LGI2: variants seen among roughly 807,000 people sequenced by gnomAD.
The protein encoded by LGI2 is leucine-rich repeat LGI family member 2.
LGI2 carries 30 observed loss-of-function variants against 52.0 expected under a neutral mutation model. That is an observed-to-expected ratio of 0.58 (90% CI 0.43 to 0.78). The LOEUF is 0.78. LGI2 is among the 30% of genes least tolerant of loss of function. LGI2 has a pLI of 0.00. For synonymous variants in LGI2, 270 were observed against 271.8 expected, an observed-to-expected ratio of 0.99 and a Z score of 0.06; for missense variants, 573 against 692.5, an observed-to-expected ratio of 0.83 and a Z score of 1.94.
chr4:25,021,023 G>T (rs1725941187), intron 4 of LGI2, among the ~76,000 whole-genome samples: 2 of 151,374 alleles, frequency 1.3e-5, no homozygotes, highest in Admixed American at 1.3e-4. Context: ...CAATGTTTTA[G>T]CTAATTAACA....
At position 25,030,755 on chromosome 4, in the gene LGI2, G is replaced by A. The variant is rs1229660539; in HGVS notation, c.-62C>T. Reference sequence around the variant, plus strand: ...ACCGCCGCGCCGCGCGCTCGGACCCGGCGCCGCTGCAGACGCGGGCGCCGC... The same window carrying A: ...ACCGCCGCGCCGCGCGCTCGGACCCAGCGCCGCTGCAGACGCGGGCGCCGC... On this transcript the variant is annotated 5_prime_UTR_variant, in exon 1 of 8. Coordinates refer to ENST00000382114, the MANE Select transcript of LGI2 (RefSeq NM_018176.4). The A allele has an allele frequency of 2.7e-5, 27 of 988,522 alleles. No homozygotes were observed. In the South Asian group the frequency reaches 1.0e-3, roughly 38 times the overall value. 61.2% of individuals were successfully genotyped at this position (988,522 alleles called of 1,614,324 possible). A position where few individuals can be genotyped will look rare whatever the true frequency, so the allele number is the denominator to read the frequency against.
At position 25,028,597 on chromosome 4, in the gene LGI2, C is replaced by A. The variant is rs754639424; in HGVS notation, c.198-19G>T. The A allele has an allele frequency of 6.2e-7, 1 of 1,605,448 alleles. No individual in the cohort carries two copies. Among genetic ancestry groups the A allele is most frequent in the South Asian group, 1.1e-5 (1 of 89,176 alleles). ...CAGGCTCCTACGGGCAAAAGATGAA[C>A]AAAAGTAGGCCTAGGTTTCTTTTAG... On this transcript the variant is annotated intron_variant, in intron 1 of 7. Coordinates refer to ENST00000382114, the MANE Select transcript of LGI2 (RefSeq NM_018176.4).
chr4:25,028,637 G>A (rs1726221868), intron 1 of LGI2, 59 bp from the exon 2 acceptor site: 3 of 1,441,834 alleles, frequency 2.1e-6, no homozygotes, highest in African/African-American at 1.4e-5. Flanking sequence ...TGCCATGCAG[G>A]GTGGGTAATC....
chr4:24,995,500 T>G (rs1056631764), downstream of LGI2, among the ~76,000 whole-genome samples: 1 of 152,200 alleles, frequency 6.6e-6, no homozygotes, highest in African/African-American at 2.4e-5. Context: ...TCCAAGTTGG[T>G]TCACTCCCAT....
At chr4:24,996,174 T>A (rs966883048), downstream of LGI2, among the ~76,000 whole-genome samples, 1 of 152,222 alleles carries the variant, frequency 6.6e-6, no homozygotes, top group South Asian at 2.1e-4. Context: ...TATTACACTG[T>A]GGAGAGACTG....
At chr4:24,998,658 A>G (rs78705732), downstream of LGI2, among the ~76,000 whole-genome samples, 2,490 of 152,270 alleles carry the variant, frequency 0.016, 66 homozygotes, top group African/African-American at 0.056. Context: ...GTGAATTTTT[A>G]GTGACTTTTG....
downstream of LGI2, among the ~76,000 whole-genome samples, chr4:24,994,011 G>A (rs545514432): frequency 2.6e-5 from 4 of 152,280 alleles, no homozygotes; most frequent in Admixed American, 2.6e-4. Flanking sequence ...TGAAAGAAAT[G>A]TAAAGTTGAC....
intron 7 of LGI2, 135 bp downstream of exon 7, chr4:25,012,200 G>A: frequency 1.1e-6 from 1 of 919,128 alleles, no homozygotes; most frequent in Non-Finnish European, 1.7e-6. Flanking sequence ...CCAGAGGGAA[G>A]GCTGGGACGT....
At chr4:24,994,943 C>A (rs1184649901), downstream of LGI2, among the ~76,000 whole-genome samples, 2 of 152,152 alleles carry the variant, frequency 1.3e-5, no homozygotes, top group African/African-American at 4.8e-5. Context: ...GTCTTCTCGG[C>A]CATGGTTAAG....
Position 25,018,140 on chromosome 4 carries a change from T to G in LGI2, c.504A>C (p.Lys168Asn), listed in dbSNP as rs755540020. 3.1e-6 allele frequency: 5 copies of G among 1,602,634 alleles called. No homozygotes were observed. Residue 168 changes from lysine to asparagine, a missense_variant, in exon 6 of 8, where the codon AAA becomes AAC. Lys to Asn is a moderately conservative substitution (Grantham distance 94). Transcript: ENST00000382114. ...SLIELDLRGN[K>N]FECDCKAKWL... ...ACTTGGCTTTGCAGTCACATTCAAA[T>G]TTATTACCCCTCAAATCTCTAAAAA...
intron 7 of LGI2, among the ~76,000 whole-genome samples, chr4:25,011,914 A>T (rs1368863116): frequency 6.6e-6 from 1 of 152,158 alleles, no homozygotes; most frequent in Non-Finnish European, 1.5e-5. Context: ...ACTAGGAACA[A>T]ACTATAGGGT....
intron 7 of LGI2, among the ~76,000 whole-genome samples, chr4:25,007,679 G>A (rs1342155658): frequency 2.6e-5 from 4 of 151,416 alleles, no homozygotes; most frequent in East Asian, 3.9e-4. Flanking sequence ...ATCAAAAGGC[G>A]AACAAAATAA....
Position 25,030,727 on chromosome 4 carries a change from C to A in LGI2, c.-34G>T, listed in dbSNP as rs979308531. 1 of 1,156,238 alleles carries A rather than the reference C, an allele frequency of 8.6e-7. No individual in the cohort carries two copies. The highest frequency in any genetic ancestry group is 1.6e-5 in the African/African-American group (1 of 61,228). 71.6% of individuals were successfully genotyped at this position (1,156,238 alleles called of 1,614,324 possible). Reference sequence around the variant, plus strand: ...CCCGCTCCCCGCCCGGGCCCCGACCCCCACCGCCGCGCCGCGCGCTCGGAC... The same window carrying A: ...CCCGCTCCCCGCCCGGGCCCCGACCACCACCGCCGCGCCGCGCGCTCGGAC... On this transcript the variant is annotated 5_prime_UTR_variant, in exon 1 of 8. Coordinates refer to ENST00000382114, the MANE Select transcript of LGI2 (RefSeq NM_018176.4).
the LGI2 span, among the ~76,000 whole-genome samples, chr4:24,993,378 T>C: frequency 6.6e-6 from 1 of 152,178 alleles, no homozygotes; most frequent in South Asian, 2.1e-4. Context: ...GTGGCTGCTT[T>C]GTGAAGAGTC....
rs1427231970 is a variant in LGI2, at chr4:25,002,795, T to G, written c.*656A>C. The G allele has an allele frequency of 6.5e-6, 1 of 152,732 alleles. No individual in the cohort carries two copies. The highest frequency in any genetic ancestry group is 2.4e-5 in the African/African-American group (1 of 41,470). The allele number at this position is 152,732 out of a possible 1,614,324, so 9.5% of individuals were successfully genotyped here. ...CTGGGCCTACAGCCTGTGCTGGGTC[T>G]AGACATGTGTCACCAGAGTATTGTC... On this transcript the variant is annotated 3_prime_UTR_variant, in exon 8 of 8. Transcript: ENST00000382114.
At chr4:25,023,455 G>A (rs561971496) in intron 4 of LGI2, among the ~76,000 whole-genome samples, 26 of 152,324 alleles carry the variant, frequency 1.7e-4, no homozygotes, top group African/African-American at 6.0e-4. Context: ...TCCCATGTCT[G>A]CTCCCTCATC....
chr4:25,012,572 C>T, intron 6 of LGI2, 73 bp from the exon 7 acceptor site: 3 of 1,488,102 alleles, frequency 2.0e-6, no homozygotes, highest in Admixed American at 1.7e-5. Flanking sequence ...CATCACCGTT[C>T]CATCATCACA....
intron 6 of LGI2, among the ~76,000 whole-genome samples, chr4:25,012,877 C>A (rs552187031): frequency 6.6e-6 from 1 of 152,232 alleles, no homozygotes; most frequent in Non-Finnish European, 1.5e-5. Context: ...CTGTGACAAG[C>A]GGGGGCTGCG....
rs1725234188 is a variant in LGI2, at chr4:25,001,349, A to T, written c.*2102T>A. On this transcript the variant is annotated 3_prime_UTR_variant, in exon 8 of 8. Transcript: ENST00000382114. Reference sequence around the variant, plus strand: ...ACAGGTGGCTGGAATTGGGAACATCACTTTGATCTGGCATAGTTGCTGGGA... The same window carrying T: ...ACAGGTGGCTGGAATTGGGAACATCTCTTTGATCTGGCATAGTTGCTGGGA... The T allele has an allele frequency of 1.3e-5, 2 of 152,174 alleles. No individual in the cohort carries two copies. The highest frequency in any genetic ancestry group is 6.5e-5 in the Admixed American group (1 of 15,274). The allele number at this position is 152,174 out of a possible 1,614,324, so 9.4% of individuals were successfully genotyped here.
Sources: allele counts gnomAD v4.1 joint callset (sites outside exome capture counted in the v4.1 genomes callset), GRCh38; gene constraint gnomAD v4.1.1; transcripts MANE v1.5; gene names NCBI Gene and HGNC (gene_info 2026-07-23, HGNC 2026-07-21).